Variants in PTPRR observed in about 807,000 individuals in gnomAD.
The protein encoded by PTPRR is receptor-type tyrosine-protein phosphatase R.
PTPRR carries 38 observed loss-of-function variants against 77.2 expected under a neutral mutation model. The ratio of observed to expected loss-of-function variants is 0.49; its 90% CI spans 0.38 to 0.65. The LOEUF (loss-of-function observed/expected upper bound fraction) is 0.65, where lower values mean the gene tolerates loss of function less well. Among genes scored for constraint, PTPRR ranks in the 30% least tolerant of loss-of-function variants. The probability of loss-of-function intolerance (pLI) is 0.00; values close to 1 mark genes in which losing one functional copy is unlikely to be tolerated. For missense variants in PTPRR, 744 were observed against 799.2 expected (o/e 0.93, Z 0.83); for synonymous variants, 299 against 283.1 (o/e 1.06, Z -0.57).
chr12:70,693,770 T>C (rs1485061728), intron 8 of PTPRR, among the ~76,000 whole-genome samples: 1 of 152,138 alleles, frequency 6.6e-6, no homozygotes, highest in Non-Finnish European at 1.5e-5. Flanking sequence ...ACTACTGTTA[T>C]AAATGAATGA....
At chr12:70,726,220 T>TCCC (rs1889431845) in intron 6 of PTPRR, among the ~76,000 whole-genome samples, 1 of 152,092 alleles carries the variant, frequency 6.6e-6, no homozygotes, top group Non-Finnish European at 1.5e-5. Flanking sequence ...AAATCTAATT[T>TCCC]AATGCAACAA....
intron 2 of PTPRR, among the ~76,000 whole-genome samples, chr12:70,889,657 A>G (rs1349745143): frequency 5.9e-5 from 9 of 151,998 alleles, no homozygotes. Flanking sequence ...GAAACTCATC[A>G]TCTTCCTATG....
chr12:70,694,800 T>A (rs1888174365), intron 8 of PTPRR, among the ~76,000 whole-genome samples: 1 of 152,118 alleles, frequency 6.6e-6, no homozygotes. Context: ...ACCCCCTGAA[T>A]CTAAAGTAAA....
intron 2 of PTPRR, among the ~76,000 whole-genome samples, chr12:70,832,915 G>A (rs1024186486): frequency 1.3e-5 from 2 of 152,136 alleles, no homozygotes; most frequent in African/African-American, 4.8e-5. Flanking sequence ...GAGAGTGGAG[G>A]AGATGCCAGG....
At chr12:70,789,970 C>G (rs1891394973) in intron 2 of PTPRR, among the ~76,000 whole-genome samples, 1 of 152,056 alleles carries the variant, frequency 6.6e-6, no homozygotes, top group African/African-American at 2.4e-5. Flanking sequence ...AGTAAAAAAT[C>G]AGAAGCAACT....
At chr12:70,693,131 G>A (rs1034712390) in intron 8 of PTPRR, among the ~76,000 whole-genome samples, 2 of 152,196 alleles carry the variant, frequency 1.3e-5, no homozygotes, top group African/African-American at 2.4e-5. Context: ...GGCTTGAAAA[G>A]AGGCCTGCTT....
intron 2 of PTPRR, among the ~76,000 whole-genome samples, chr12:70,765,176 T>A (rs1890786365): frequency 6.6e-6 from 1 of 152,108 alleles, no homozygotes; most frequent in Non-Finnish European, 1.5e-5. Context: ...GTGGGTGCAG[T>A]GCACCGTGCA....
At chr12:70,733,204 T>G (rs1889723738) in intron 6 of PTPRR, among the ~76,000 whole-genome samples, 1 of 152,038 alleles carries the variant, frequency 6.6e-6, no homozygotes, top group Non-Finnish European at 1.5e-5. Flanking sequence ...GATACACTGT[T>G]GTTAAAATTA....
chr12:70,754,332 AAAT>A (rs1386894010), intron 4 of PTPRR, 31 bp from the exon 5 acceptor site: 1 of 1,610,724 alleles, frequency 6.2e-7, no homozygotes, highest in African/African-American at 1.3e-5. Context: ...GTCCGACGTT[AAAT>A]GAGAGCTTGA....
At chr12:70,691,691 C>T (rs1206654863) in intron 8 of PTPRR, among the ~76,000 whole-genome samples, 1 of 152,210 alleles carries the variant, frequency 6.6e-6, no homozygotes, top group Non-Finnish European at 1.5e-5. Context: ...TGTGCTGCCA[C>T]AGCTCTACAG....
intron 2 of PTPRR, among the ~76,000 whole-genome samples, chr12:70,773,708 C>T (rs1365810782): frequency 6.6e-6 from 1 of 152,092 alleles, no homozygotes; most frequent in African/African-American, 2.4e-5. Flanking sequence ...TCCTACTAGA[C>T]CTGAAGAAAG....
intron 2 of PTPRR, among the ~76,000 whole-genome samples, chr12:70,834,637 C>A (rs755561901): frequency 3.0e-4 from 45 of 152,002 alleles, no homozygotes; most frequent in Non-Finnish European, 1.3e-4. Flanking sequence ...CTGTTTTATT[C>A]CATGGTTAGA....
At chr12:70,843,032 C>T (rs1892422976) in intron 2 of PTPRR, among the ~76,000 whole-genome samples, 2 of 152,038 alleles carry the variant, frequency 1.3e-5, no homozygotes, top group African/African-American at 2.4e-5. Flanking sequence ...TATTTTACTC[C>T]AGGAGTTGAA....
At chr12:70,688,515 G>A (rs1308423041) in intron 8 of PTPRR, among the ~76,000 whole-genome samples, 4 of 152,122 alleles carry the variant, frequency 2.6e-5, no homozygotes, top group Admixed American at 6.6e-5. Context: ...CCTGTTAGAA[G>A]GGCTATTATC....
At chr12:70,801,257 T>A (rs1448258515) in intron 2 of PTPRR, among the ~76,000 whole-genome samples, 1 of 152,218 alleles carries the variant, frequency 6.6e-6, no homozygotes, top group African/African-American at 2.4e-5. Flanking sequence ...GTTAATTTTA[T>A]GCATCAACTT....
In PTPRR at chr12:70,893,005, A is replaced by C. The variant is rs370071893; in HGVS notation, c.59-28T>G. ...GAAAGAGGGAAGAAGCAGAAACAAT[A>C]TCAAAGACCCTATTCAGTAAGAGAG... On this transcript the variant is annotated intron_variant, in intron 1 of 13. Transcript: ENST00000283228. 1.3e-5 allele frequency: 21 copies of C among 1,603,214 alleles called. 1 individual carries two copies. The South Asian group carries it at 2.2e-4, about 17-fold the overall frequency.
In PTPRR at chr12:70,639,281, C is replaced by T; in HGVS notation, c.1881-4G>A. ...ACTGGTTTGCACCATTCCACCTCTGCAAGGAAGAAATCATAAAATAACTGA... is the reference window on the plus strand; with the variant it reads ...ACTGGTTTGCACCATTCCACCTCTGTAAGGAAGAAATCATAAAATAACTGA... On this transcript the variant is annotated splice_region_variant and splice_polypyrimidine_tract_variant and intron_variant, in intron 13 of 13. Coordinates refer to ENST00000283228, the MANE Select transcript of PTPRR (RefSeq NM_002849.4). 1 of 1,611,504 alleles carries T rather than the reference C, an allele frequency of 6.2e-7. No homozygotes were observed. Among genetic ancestry groups the T allele is most frequent in the African/African-American group, 1.3e-5 (1 of 74,976 alleles).
intron 7 of PTPRR, among the ~76,000 whole-genome samples, chr12:70,699,441 C>G (rs901073872): frequency 6.6e-6 from 1 of 151,854 alleles, no homozygotes; most frequent in Admixed American, 6.6e-5. Context: ...AACAGCTATT[C>G]GTTTATTAAT....
At chr12:70,676,406 C>T (rs571468431) in intron 10 of PTPRR, among the ~76,000 whole-genome samples, 47 of 151,724 alleles carry the variant, frequency 3.1e-4, no homozygotes, top group African/African-American at 1.1e-3. Context: ...GCTTTTTGTG[C>T]TTAATTATTT....
Sources: allele counts gnomAD v4.1 joint callset (sites outside exome capture counted in the v4.1 genomes callset), GRCh38; gene constraint gnomAD v4.1.1; transcripts MANE v1.5; gene names NCBI Gene and HGNC (gene_info 2026-07-23, HGNC 2026-07-21).